The following DHX30 variants were observed in gnomAD, a reference collection of about 807,000 sequenced individuals.
DHX30 encodes ATP-dependent RNA helicase DHX30.
Under a neutral mutation model 116.9 loss-of-function variants are expected in DHX30, and 4 were observed. That is an observed-to-expected ratio of 0.03 (90% CI 0.02 to 0.08). DHX30 has a LOEUF of 0.08. Among genes scored for constraint, DHX30 ranks in the 10% least tolerant of loss-of-function variants. The pLI is 1.00. For missense variants in DHX30, 871 were observed against 1,595.1 expected (o/e 0.55, Z 7.73); for synonymous variants, 697 against 651.7 (o/e 1.07, Z -1.06).
Position 47,825,292 on chromosome 3 carries a change from C to T in DHX30, c.125-2055C>T. 7.3e-6 allele frequency: 4 copies of T among 551,166 alleles called. No individual in the cohort carries two copies. In the East Asian group the frequency reaches 1.4e-4, roughly 19 times the overall value. 34.1% of individuals were successfully genotyped at this position (551,166 alleles called of 1,614,324 possible). A position where few individuals can be genotyped will look rare whatever the true frequency, so the allele number is the denominator to read the frequency against. On this transcript the variant is annotated intron_variant, in intron 4 of 21. Coordinates refer to ENST00000445061, the MANE Select transcript of DHX30 (RefSeq NM_138615.3). ...CGGGCGGTCCGCAGCGCCCTTGACTCCTGGGATGGCAGAGCTAGGGGCGCG... is the reference window on the plus strand; with the variant it reads ...CGGGCGGTCCGCAGCGCCCTTGACTTCTGGGATGGCAGAGCTAGGGGCGCG...
In DHX30 at chr3:47,808,171, A is replaced by G. The variant is rs565887126; in HGVS notation, c.-27-2486A>G. Among the ~76,000 whole-genome samples the G allele has an allele frequency of 2.0e-5, 3 of 151,190 alleles. No homozygotes were observed. In the South Asian group the frequency reaches 6.3e-4, roughly 32 times the overall value. ...GTGATCTGCTTGCCTCGGCCTCCCA[A>G]AATGCTGGGATTACAGGCATGAGCC... is the stretch of plus-strand genomic sequence containing the variant. On this transcript the variant is annotated intron_variant, in intron 2 of 21. Coordinates refer to ENST00000445061, the MANE Select transcript of DHX30 (RefSeq NM_138615.3).
chr3:47,831,626 T>G (rs2036853045), intron 6 of DHX30, among the ~76,000 whole-genome samples: 1 of 152,132 alleles, frequency 6.6e-6, no homozygotes. Flanking sequence ...GCTTGTATTT[T>G]CTCCACTCTG....
At chr3:47,838,031 CAG>C (rs1168229871) in intron 6 of DHX30, among the ~76,000 whole-genome samples, 2 of 152,126 alleles carry the variant, frequency 1.3e-5, no homozygotes, top group Non-Finnish European at 2.9e-5. Context: ...GTTGCAAAGG[CAG>C]GGGGAGAACG....
chr3:47,831,880 G>A, intron 6 of DHX30, among the ~76,000 whole-genome samples: 1 of 125,570 alleles, frequency 8.0e-6, no homozygotes, highest in South Asian at 2.4e-4. Flanking sequence ...ACTTTTCCTT[G>A]TTGCACACTT....
chr3:47,846,241 C>T lies in DHX30; in HGVS notation c.1169C>T (p.Ser390Leu), dbSNP rs1424375042. 6.2e-7 allele frequency: 1 copy of T among 1,614,106 alleles called. No homozygotes were observed. Among genetic ancestry groups the T allele is most frequent in the East Asian group, 2.2e-5 (1 of 44,906 alleles). ...GACATCTTGCCCTTGGGCAAGGACT[C>T]AGGGCCTCTGAGTGACCCTATCACA... is the stretch of plus-strand genomic sequence containing the variant. ...SDDILPLGKD[S>L]GPLSDPITGK... Residue 390 changes from serine (S) to leucine (L), a missense_variant, in exon 11 of 22, where the codon TCA (serine) becomes TTA (leucine). Transcript: ENST00000445061.
chr3:47,809,565 A>G (rs2106938925), intron 2 of DHX30, among the ~76,000 whole-genome samples: 1 of 152,266 alleles, frequency 6.6e-6, no homozygotes, highest in Non-Finnish European at 1.5e-5. Context: ...TCTTAAAGTA[A>G]ATGTTATCAT....
rs112963854 is a variant in DHX30 at position 47,840,833 on chromosome 3, G to C, written c.367-44G>C. Reference sequence around the variant, plus strand: ...GGACACGGACCAGGCCGACTGAGGTGTAAAGATGGTATCAATCCTTAAAAC... The same window carrying C: ...GGACACGGACCAGGCCGACTGAGGTCTAAAGATGGTATCAATCCTTAAAAC... On this transcript the variant is annotated intron_variant, in intron 6 of 21. Coordinates refer to ENST00000445061, the MANE Select transcript of DHX30 (RefSeq NM_138615.3). 2.0e-5 allele frequency: 32 copies of C among 1,612,324 alleles called. 1 individual carries two copies. Among genetic ancestry groups the C allele is most frequent in the Middle Eastern group, 3.3e-4 (2 of 6,048 alleles).
chr3:47,844,990 CTG>C (rs1157659789), intron 9 of DHX30, among the ~76,000 whole-genome samples: 2 of 151,984 alleles, frequency 1.3e-5, no homozygotes, highest in Non-Finnish European at 2.9e-5. Flanking sequence ...AAGAGGGAGT[CTG>C]TGGGGTGCGT....
Position 47,845,742 on chromosome 3 carries a change from G to A in DHX30, c.982G>A (p.Ala328Thr). The A allele has an allele frequency of 1.2e-6, 2 of 1,610,330 alleles. No homozygotes were observed. Among genetic ancestry groups the A allele is most frequent in the Non-Finnish European group, 1.7e-6 (2 of 1,176,926 alleles). ...CAGGAACAACGAACCGCTTACACACGCCATGTATAACCTGGCCTCTTTGCG... is the reference window on the plus strand; with the variant it reads ...CAGGAACAACGAACCGCTTACACACACCATGTATAACCTGGCCTCTTTGCG... ...VDRNNEPLTH[A>T]MYNLASLREL... The change falls in exon 10 of 22, where the codon GCC becomes ACC. Residue 328 changes from alanine to threonine, a missense_variant. Physicochemically the swap from Ala to Thr is moderately conservative, Grantham distance 58. Around this residue, in one of 13 missense-constraint regions of DHX30, gnomAD observed 175 missense variants for 292.9 expected, o/e 0.60. Transcript: ENST00000445061.
At chr3:47,841,311 C>A in intron 7 of DHX30, 133 bp downstream of exon 7, 3 of 1,340,336 alleles carry the variant, frequency 2.2e-6, no homozygotes, top group Non-Finnish European at 3.0e-6. Context: ...CCCCATCACT[C>A]AGTGTGTGTC....
intron 2 of DHX30, among the ~76,000 whole-genome samples, chr3:47,807,610 C>T (rs1259825752): frequency 1.4e-5 from 2 of 142,654 alleles, no homozygotes; most frequent in Non-Finnish European, 3.0e-5. Flanking sequence ...AAGGCTGAGA[C>T]AGGAGAATAG....
Position 47,847,561 on chromosome 3 carries a change from G to T in DHX30, c.2110+25G>T. 1 of 1,557,572 alleles carries T rather than the reference G, an allele frequency of 6.4e-7. No homozygotes were observed. On this transcript the variant is annotated intron_variant, in intron 13 of 21. Transcript: ENST00000445061. The surrounding 1 kb of genome is among the most constrained non-coding windows in gnomAD (Gnocchi z 5.5). ...GGTGAGAGCCCCGGCGGAGGGACCA[G>T]GGACCTTTGGAAACCAGCCTGACCT...
intron 7 of DHX30, 64 bp downstream of exon 7, chr3:47,841,242 G>A (rs992114377): frequency 2.4e-5 from 37 of 1,572,866 alleles, no homozygotes; most frequent in Non-Finnish European, 3.2e-5. Flanking sequence ...ATGGGCGAAT[G>A]TTCTCTGCTA....
Position 47,841,008 on chromosome 3 carries a change from G to T in DHX30, c.498G>T (p.Arg166=), listed in dbSNP as rs2037349162. 4 of 1,614,096 alleles carry T rather than the reference G, an allele frequency of 2.5e-6. No homozygotes were observed. The highest frequency in any genetic ancestry group is 3.4e-6 in the Non-Finnish European group (4 of 1,180,040). Residue 166 remains arginine (R), a synonymous_variant, in exon 7 of 22, where the codon CGG becomes CGT. Transcript: ENST00000445061. Reference sequence around the variant, plus strand: ...CCACCATGCCCCCTACTTCCTGGCGGCAGCTGAATCCAGAGAGTATTCGAC... The same window carrying T: ...CCACCATGCCCCCTACTTCCTGGCGTCAGCTGAATCCAGAGAGTATTCGAC... ...PEPTMPPTSW[R]QLNPESIRPG...
At chr3:47,829,969 C>G (rs993057018) in intron 6 of DHX30, among the ~76,000 whole-genome samples, 1 of 150,940 alleles carries the variant, frequency 6.6e-6, no homozygotes, top group African/African-American at 2.4e-5. Flanking sequence ...GTAGCTGGGA[C>G]TACAGGTGCC....
chr3:47,809,030 A>G (rs1048641902), intron 2 of DHX30, among the ~76,000 whole-genome samples: 12 of 152,012 alleles, frequency 7.9e-5, no homozygotes, highest in Non-Finnish European at 1.8e-4. Flanking sequence ...CTGAGATTAC[A>G]GGCGCCTGCC....
chr3:47,812,770 TCTC>T (rs760513298), intron 3 of DHX30, among the ~76,000 whole-genome samples: 43 of 150,550 alleles, frequency 2.9e-4, no homozygotes, highest in Non-Finnish European at 5.3e-4. Flanking sequence ...TTCAAGCAAT[TCTC>T]CTGCCTCAGC....
intron 2 of DHX30, among the ~76,000 whole-genome samples, chr3:47,809,325 T>C (rs2035684241): frequency 7.7e-6 from 1 of 130,414 alleles, no homozygotes; most frequent in Non-Finnish European, 1.6e-5. Flanking sequence ...CACTGCAAGC[T>C]CTGCCTCCTG....
intron 4 of DHX30, among the ~76,000 whole-genome samples, chr3:47,819,475 C>G (rs2036204532): frequency 6.6e-6 from 1 of 152,200 alleles, no homozygotes; most frequent in Non-Finnish European, 1.5e-5. Flanking sequence ...CTGGTGGTCT[C>G]TCCTCACAGC....
Sources: gnomAD v4.1 joint callset for allele counts (sites outside exome capture counted in the v4.1 genomes callset) on GRCh38, gnomAD v4.1.1 for gene constraint, gnomAD v4.1.1 regional missense constraint, Gnocchi (gnomAD v3.1) non-coding constraint, MANE v1.5 for transcripts, NCBI Gene and HGNC (gene_info 2026-07-23, HGNC 2026-07-21) for gene names.